ANKAR: variants seen among roughly 807,000 people sequenced by gnomAD.
ANKAR encodes ankyrin and armadillo repeat containing.
In ANKAR, 136 loss-of-function variants were observed where a neutral mutation model predicts 146.2. The observed-to-expected ratio is 0.93, with a 90% CI of 0.81 to 1.07. The LOEUF (loss-of-function observed/expected upper bound fraction) is 1.07. Among genes scored for constraint, ANKAR ranks in the 50% least tolerant of loss-of-function variants. The pLI is 0.00. For missense variants in ANKAR, 1,567 were observed against 1,679.9 expected (o/e 0.93, Z 1.18); for synonymous variants, 500 against 575.8 (o/e 0.87, Z 1.88).
At chr2:189,732,561 T>C (rs555199544) in intron 16 of ANKAR, among the ~76,000 whole-genome samples, 1 of 148,924 alleles carries the variant, frequency 6.7e-6, no homozygotes, top group Non-Finnish European at 1.5e-5. Context: ...CTCGGGAGGC[T>C]GGAGCAGGAG....
At chr2:189,760,249 C>T (rs1169074936) in intron 18 of ANKAR, among the ~76,000 whole-genome samples, 1 of 152,204 alleles carries the variant, frequency 6.6e-6, no homozygotes, top group East Asian at 1.9e-4. Context: ...GTCATCATGG[C>T]CCGTTCTCAA....
chr2:189,679,750 A>T (rs1235357614), intron 2 of ANKAR, among the ~76,000 whole-genome samples: 1 of 152,180 alleles, frequency 6.6e-6, no homozygotes, highest in Non-Finnish European at 1.5e-5. Flanking sequence ...TGTATGATGT[A>T]TCACATATAT....
intron 2 of ANKAR, among the ~76,000 whole-genome samples, chr2:189,683,555 T>A (rs759891474): frequency 3.3e-5 from 5 of 152,182 alleles, no homozygotes; most frequent in Admixed American, 6.5e-5. Flanking sequence ...ACAGTGTGAC[T>A]CATGGAAACT....
At chr2:189,756,829 T>A (rs2046162150) in intron 18 of ANKAR, among the ~76,000 whole-genome samples, 1 of 152,202 alleles carries the variant, frequency 6.6e-6, no homozygotes, top group Non-Finnish European at 1.5e-5. Context: ...CATCCTATAT[T>A]GCTGCCAGAG....
At chr2:189,684,515 T>C (rs1050941312) in intron 2 of ANKAR, among the ~76,000 whole-genome samples, 1 of 152,172 alleles carries the variant, frequency 6.6e-6, no homozygotes, top group Admixed American at 6.6e-5. Context: ...GCATGACTTA[T>C]AGTAAACTTT....
At chr2:189,706,872 A>G (rs2039018887) in intron 8 of ANKAR, 66 bp from the exon 9 acceptor site, 2 of 1,255,704 alleles carry the variant, frequency 1.6e-6, no homozygotes, top group East Asian at 2.4e-5. Context: ...TGCAGCTTGA[A>G]TAGTTTTACA....
chr2:189,761,165 G>A, exon 19 of ANKAR: 1 of 305,860 alleles, frequency 3.3e-6, no homozygotes, highest in Non-Finnish European at 5.9e-6. Context: ...CATTACTGAA[G>A]GAAAATCAAT....
In ANKAR at chr2:189,711,053, G is replaced by A. The variant is rs577425624; in HGVS notation, c.2124G>A (p.Met708Ile). 6 of 1,611,514 alleles carry A rather than the reference G, an allele frequency of 3.7e-6. No homozygotes were observed. The East Asian group carries it at 1.1e-4, about 30-fold the overall frequency. ...TTTCTGTTGAACACTTAACAGAAAT[G>A]TTACAGTGTGAAAGCTATAAACGAA... ...ELPVWKTLVE[M>I]LQCESYKRRM... Residue 708 changes from methionine (M) to isoleucine (I), a missense_variant, in exon 10 of 23, where the codon ATG becomes ATA. Transcript: ENST00000684021.
At chr2:189,700,037 C>CT (rs75626437) in intron 7 of ANKAR, among the ~76,000 whole-genome samples, 173 of 140,348 alleles carry the variant, frequency 1.2e-3, no homozygotes, top group South Asian at 7.0e-3. Flanking sequence ...ACTTGACCTT[C>CT]ATTTTTTTTT....
At chr2:189,689,072 A>G (rs36001150) in intron 2 of ANKAR, among the ~76,000 whole-genome samples, 2,390 of 152,328 alleles carry the variant, frequency 0.016, 25 homozygotes, top group Non-Finnish European at 0.022. Context: ...ACCTTGTGGC[A>G]GTTAGAACAC....
At chr2:189,761,350 A>G, downstream of ANKAR, 7 of 1,502,072 alleles carry the variant, frequency 4.7e-6, no homozygotes, top group Non-Finnish European at 6.2e-6. Flanking sequence ...ACTTTTATAT[A>G]TGACAAATAC....
chr2:189,723,058 AG>A (rs1436387963), intron 12 of ANKAR, among the ~76,000 whole-genome samples: 21 of 152,086 alleles, frequency 1.4e-4, no homozygotes, highest in Admixed American at 5.2e-4. Flanking sequence ...TCAGTGCTTT[AG>A]CAAATAGTCC....
rs996816027 is a variant in ANKAR at position 189,677,171 on chromosome 2, G to A, written c.601+80G>A. 6.2e-4 allele frequency: 841 copies of A among 1,364,462 alleles called. 1 individual carries two copies. The highest frequency in any genetic ancestry group is 7.7e-4 in the Non-Finnish European group (803 of 1,043,316). The allele number at this position is 1,364,462 out of a possible 1,614,324, so 84.5% of individuals were successfully genotyped here. On this transcript the variant is annotated intron_variant, in intron 2 of 22. Transcript: ENST00000684021. ...TTACTACGTCACCCAGGGTGGTCAC[G>A]AACCCCTGAGCTCAAGCCATTCACC...
chr2:189,710,591 A>G (rs1017291786), intron 9 of ANKAR, among the ~76,000 whole-genome samples: 11 of 152,138 alleles, frequency 7.2e-5, no homozygotes, highest in Admixed American at 6.5e-5. Context: ...CTTGAACCCA[A>G]GAGTTTGAGA....
intron 5 of ANKAR, 36 bp downstream of exon 5, chr2:189,693,213 A>G: frequency 7.4e-7 from 1 of 1,346,904 alleles, no homozygotes; most frequent in Non-Finnish European, 1.0e-6. Flanking sequence ...CATTAACTAC[A>G]ATTTTTTGCA....
chr2:189,706,868 T>C (rs2039018415), intron 8 of ANKAR, 70 bp from the exon 9 acceptor site: 1 of 1,203,314 alleles, frequency 8.3e-7, no homozygotes, highest in Admixed American at 2.3e-5. Flanking sequence ...CAATTGCAGC[T>C]TGAATAGTTT....
intron 20 of ANKAR, among the ~76,000 whole-genome samples, chr2:189,742,572 A>T (rs2043440591): frequency 6.6e-6 from 1 of 152,124 alleles, no homozygotes; most frequent in Non-Finnish European, 1.5e-5. Context: ...AAAGTAATAA[A>T]TAAATAAATA....
chr2:189,738,521 A>T (rs1401612566), intron 18 of ANKAR, 44 bp from the exon 19 acceptor site: 2 of 1,166,972 alleles, frequency 1.7e-6, no homozygotes, highest in Non-Finnish European at 2.5e-6. Context: ...AGAGAAGCTG[A>T]GTAGAAAATG....
Position 189,696,341 on chromosome 2 carries a change from C to T in ANKAR, c.1680C>T (p.Asn560=). Residue 560 remains asparagine (N), a synonymous_variant, in exon 7 of 23, where the codon AAC becomes AAT. Transcript: ENST00000684021. The part of the protein sequence containing the change: ...CQLCNANFKV[N]QRRFVTFSQG... ...TGTGCAATGCTAACTTCAAGGTCAACCAGAGGCGCTTTGTTACGTTCAGCC... is the reference window on the plus strand; with the variant it reads ...TGTGCAATGCTAACTTCAAGGTCAATCAGAGGCGCTTTGTTACGTTCAGCC... 6.2e-7 allele frequency: 1 copy of T among 1,613,788 alleles called. No homozygotes were observed. Among genetic ancestry groups the T allele is most frequent in the African/African-American group, 1.3e-5 (1 of 75,004 alleles).
Sources: gnomAD v4.1 joint callset for allele counts (sites outside exome capture counted in the v4.1 genomes callset) on GRCh38, gnomAD v4.1.1 for gene constraint, MANE v1.5 for transcripts, NCBI Gene and HGNC (gene_info 2026-07-23, HGNC 2026-07-21) for gene names.